The following TK2 variants were observed in gnomAD, a reference collection of about 807,000 sequenced individuals.
TK2 encodes thymidine kinase 2, also known as thymidine kinase 2, mitochondrial.
Under a neutral mutation model 41.9 loss-of-function variants are expected in TK2, and 35 were observed. That is an observed-to-expected ratio of 0.84 (90% CI 0.64 to 1.11). The LOEUF (loss-of-function observed/expected upper bound fraction) is 1.11, where lower values mean the gene tolerates loss of function less well. Ranked by LOEUF, TK2 falls within the 50% of genes least tolerant of loss-of-function variation. The pLI, the probability that TK2 is intolerant of heterozygous loss-of-function variation, is 0.00. For missense variants in TK2, 320 were observed against 351.1 expected, an observed-to-expected ratio of 0.91 and a Z score of 0.71; for synonymous variants, 128 against 129.1, an observed-to-expected ratio of 0.99 and a Z score of 0.06.
chr16:66,535,620 C>A (rs1965253114), intron 4 of TK2, among the ~76,000 whole-genome samples: 1 of 152,196 alleles, frequency 6.6e-6, no homozygotes, highest in South Asian at 2.1e-4. Context: ...CTATCACCAC[C>A]CGCCAGATTA....
Position 66,541,939 on chromosome 16 carries a change from G to A in TK2, c.171C>T (p.Gly57=). 2 of 1,614,088 alleles carry A rather than the reference G, an allele frequency of 1.2e-6. No individual in the cohort carries two copies. The highest frequency in any genetic ancestry group is 1.7e-6 in the Non-Finnish European group (2 of 1,180,000). ...KEKKSVICVE[G]NIASGKTTCL... is the part of the protein sequence containing the mutation. ...ATGTCGTCTTCCCACTTGCAATATT[G>A]CCCTCGACACAGATCTGGCAAAAGA... The change falls in exon 3 of 10, where the codon GGC becomes GGT. Residue 57 remains glycine, a synonymous_variant. Transcript: ENST00000544898.
chr16:66,530,175 T>A (rs992006198), intron 5 of TK2, among the ~76,000 whole-genome samples: 1 of 152,208 alleles, frequency 6.6e-6, no homozygotes, highest in African/African-American at 2.4e-5. Context: ...CCCACTCACA[T>A]CTTTCAATTT....
chr16:66,530,879 G>A (rs958906096), intron 5 of TK2, among the ~76,000 whole-genome samples: 2 of 151,854 alleles, frequency 1.3e-5, no homozygotes, highest in Non-Finnish European at 2.9e-5. Context: ...ATACCACCAC[G>A]CCAGACTAAT....
chr16:66,519,072 C>T (rs888936819), intron 6 of TK2, among the ~76,000 whole-genome samples: 1 of 152,068 alleles, frequency 6.6e-6, no homozygotes, highest in Non-Finnish European at 1.5e-5. Context: ...CGCCATTCTC[C>T]TGCCTCAGCC....
At chr16:66,516,886 G>A (rs887324933) in intron 8 of TK2, among the ~76,000 whole-genome samples, 4 of 150,248 alleles carry the variant, frequency 2.7e-5, no homozygotes, top group Non-Finnish European at 5.9e-5. Context: ...GAGGGGAGGG[G>A]AACGCCTCCA....
intron 4 of TK2, among the ~76,000 whole-genome samples, chr16:66,532,562 A>G (rs1232303857): frequency 6.6e-6 from 1 of 151,768 alleles, no homozygotes; most frequent in Non-Finnish European, 1.5e-5. Context: ...CCGAGATCGT[A>G]CCACTGTACT....
chr16:66,545,094 CAAAA>C (rs56368554), intron 2 of TK2, among the ~76,000 whole-genome samples: 2 of 75,670 alleles, frequency 2.6e-5, no homozygotes, highest in Non-Finnish European at 3.2e-5. Flanking sequence ...ACCCTGTCTT[CAAAA>C]AAAAAAAAAA....
rs764401967 is a variant in TK2 at position 66,511,588 on chromosome 16, T to C, written c.*380A>G. 2.0e-5 allele frequency: 7 copies of C among 353,226 alleles called. No homozygotes were observed. Among genetic ancestry groups the C allele is most frequent in the African/African-American group, 4.2e-5 (2 of 47,068 alleles). The allele number at this position is 353,226 out of a possible 1,614,324, so 21.9% of individuals were successfully genotyped here. On this transcript the variant is annotated 3_prime_UTR_variant, in exon 10 of 10. Transcript: ENST00000544898. Reference sequence around the variant, plus strand: ...AGCTTCAAATTCCTCACCTGGGATATAAGACTCCTACCTCGGCCTCCTAAT... The same window carrying C: ...AGCTTCAAATTCCTCACCTGGGATACAAGACTCCTACCTCGGCCTCCTAAT...
chr16:66,541,972 A>G lies in TK2; in HGVS notation c.157-19T>C, dbSNP rs2144460966. The G allele has an allele frequency of 6.2e-7, 1 of 1,613,754 alleles. No homozygotes were observed. Among genetic ancestry groups the G allele is most frequent in the Non-Finnish European group, 8.5e-7 (1 of 1,179,674 alleles). Reference sequence around the variant, plus strand: ...CACAGATCTGGCAAAAGACGAATGCATATTAGAGCCAGAACTCAAGCACCC... The same window carrying G: ...CACAGATCTGGCAAAAGACGAATGCGTATTAGAGCCAGAACTCAAGCACCC... On this transcript the variant is annotated intron_variant, in intron 2 of 9. Coordinates refer to ENST00000544898, the MANE Select transcript of TK2 (RefSeq NM_004614.5).
chr16:66,546,265 TA>T (rs1450802692), intron 2 of TK2, among the ~76,000 whole-genome samples: 2 of 152,158 alleles, frequency 1.3e-5, no homozygotes, highest in Admixed American at 6.5e-5. Context: ...AAAATAAAAT[TA>T]GATTGTAGTG....
At chr16:66,538,713 G>A (rs1007178987) in intron 3 of TK2, among the ~76,000 whole-genome samples, 2 of 152,172 alleles carry the variant, frequency 1.3e-5, no homozygotes, top group East Asian at 1.9e-4. Context: ...GGTACAGAGC[G>A]GCCAGGGGAT....
In TK2 at chr16:66,529,029, G is replaced by A. The variant is rs773566302; in HGVS notation, c.414C>T (p.Ser138=). The stretch of plus-strand genomic sequence containing the variant: ...GGTTTTCTACAAAAATGTATCTTGC[G>A]CTGTGAATCGACCTCTCCATCAACC... ...SVRLMERSIH[S]ARYIFVENLY... Residue 138 remains serine (S), a synonymous_variant, in exon 6 of 10, where the codon AGC becomes AGT. Transcript: ENST00000544898. 20 of 1,613,974 alleles carry A rather than the reference G, an allele frequency of 1.2e-5. No individual in the cohort carries two copies. The highest frequency in any genetic ancestry group is 3.3e-5 in the Admixed American group (2 of 60,010).
At chr16:66,513,928 G>C in intron 8 of TK2, 117 bp from the exon 9 acceptor site, 2 of 898,292 alleles carry the variant, frequency 2.2e-6, no homozygotes, top group Non-Finnish European at 3.6e-6. Context: ...CTCAGACAAA[G>C]GAACCCTGCA....
chr16:66,549,216 C>A, intron 1 of TK2: 1 of 1,434,838 alleles, frequency 7.0e-7, no homozygotes, highest in South Asian at 1.4e-5. Flanking sequence ...GCTTCGTGGA[C>A]CCCCAGTGTG....
At position 66,536,830 on chromosome 16, in the gene TK2, G is replaced by C. The variant is rs571474906; in HGVS notation, c.285+134C>G. ...ACCAACATGCCACCATTTTCTGCTT[G>C]TCCCTCCCTGGTCTTCTCCAACTCA... On this transcript the variant is annotated intron_variant, in intron 4 of 9. Coordinates refer to ENST00000544898, the MANE Select transcript of TK2 (RefSeq NM_004614.5). The C allele has an allele frequency of 5.6e-6, 6 of 1,070,418 alleles. No homozygotes were observed. In the Admixed American group the frequency reaches 1.0e-4, roughly 18 times the overall value. The allele number at this position is 1,070,418 out of a possible 1,614,324, so 66.3% of individuals were successfully genotyped here. A position where few individuals can be genotyped will look rare whatever the true frequency, so the allele number is the denominator to read the frequency against.
chr16:66,523,566 C>T (rs984750555), intron 6 of TK2, among the ~76,000 whole-genome samples: 1 of 152,194 alleles, frequency 6.6e-6, no homozygotes, highest in Non-Finnish European at 1.5e-5. Context: ...TGGTGGCTCA[C>T]GCCTATAATC....
intron 2 of TK2, among the ~76,000 whole-genome samples, chr16:66,545,213 C>A (rs1363979525): frequency 6.6e-6 from 1 of 151,954 alleles, no homozygotes. Flanking sequence ...TCTGATCAAA[C>A]CTTATTACAC....
rs1161759002 is a variant in TK2 at position 66,529,085 on chromosome 16, G to C, written c.376-18C>G. Reference sequence around the variant, plus strand: ...GATGACACCTAAAGGAAAACAAAAAGAGAATCACTAACTCAGGGGAAAAGG... The same window carrying C: ...GATGACACCTAAAGGAAAACAAAAACAGAATCACTAACTCAGGGGAAAAGG... On this transcript the variant is annotated intron_variant, in intron 5 of 9. Coordinates refer to ENST00000544898, the MANE Select transcript of TK2 (RefSeq NM_004614.5). 1 of 1,612,664 alleles carries C rather than the reference G, an allele frequency of 6.2e-7. No individual in the cohort carries two copies. The highest frequency in any genetic ancestry group is 8.5e-7 in the Non-Finnish European group (1 of 1,179,176).
intron 2 of TK2, chr16:66,547,900 C>T (rs1965657564): frequency 7.9e-7 from 1 of 1,265,558 alleles, no homozygotes. Context: ...ACCCAAAAAG[C>T]ACAAAGAACA....
Sources: gnomAD v4.1 joint callset for allele counts (sites outside exome capture counted in the v4.1 genomes callset) on GRCh38, gnomAD v4.1.1 for gene constraint, MANE v1.5 for transcripts, NCBI Gene and HGNC (gene_info 2026-07-23, HGNC 2026-07-21) for gene names.